Variants in SYN3 observed in about 807,000 individuals in gnomAD.
The protein encoded by SYN3 is synapsin III, also known as synapsin-3.
In SYN3, 35 loss-of-function variants were observed where a neutral mutation model predicts 65.8. The ratio of observed to expected loss-of-function variants is 0.53; its 90% CI spans 0.41 to 0.70. The LOEUF (loss-of-function observed/expected upper bound fraction) is 0.70. Among genes scored for constraint, SYN3 ranks in the 30% least tolerant of loss-of-function variants. SYN3 has a pLI of 0.00. For synonymous variants in SYN3, 270 were observed against 292.9 expected (o/e 0.92, Z 0.80); for missense variants, 680 against 749.0 (o/e 0.91, Z 1.08).
intron 6 of SYN3, among the ~76,000 whole-genome samples, chr22:32,669,306 C>T (rs1197341876): frequency 3.3e-5 from 5 of 152,132 alleles, no homozygotes; most frequent in Non-Finnish European, 7.4e-5. Context: ...GCTTGTCATT[C>T]CTTATGGGCC....
intron 13 of SYN3, among the ~76,000 whole-genome samples, chr22:32,515,817 G>A (rs1053241708): frequency 1.3e-5 from 2 of 148,742 alleles, no homozygotes; most frequent in East Asian, 2.0e-4. Flanking sequence ...TTTTTTTTTC[G>A]AGATGGAGTC....
intron 4 of SYN3, among the ~76,000 whole-genome samples, chr22:32,885,338 T>C (rs1411725509): frequency 6.6e-6 from 1 of 152,204 alleles, no homozygotes; most frequent in African/African-American, 2.4e-5. Context: ...CTCAAGGATC[T>C]AAATGTTTTG....
At chr22:33,009,460 G>A (rs1261201178) in intron 1 of SYN3, among the ~76,000 whole-genome samples, 1 of 151,888 alleles carries the variant, frequency 6.6e-6, no homozygotes, top group East Asian at 1.9e-4. Context: ...CTAAAAGGTG[G>A]GTTGTTTATC....
At chr22:33,046,016 C>CA (rs1306904033) in intron 1 of SYN3, among the ~76,000 whole-genome samples, 1 of 146,376 alleles carries the variant, frequency 6.8e-6, no homozygotes, top group South Asian at 2.2e-4. Flanking sequence ...AAAAAAAAAA[C>CA]AAAAAACGTG....
chr22:32,959,950 A>G (rs2146878919), intron 3 of SYN3, among the ~76,000 whole-genome samples: 1 of 152,342 alleles, frequency 6.6e-6, no homozygotes, highest in Admixed American at 6.5e-5. Context: ...TACGCATCAA[A>G]CAGAGCAGTA....
chr22:32,819,091 C>A lies in SYN3; in HGVS notation c.711+45824G>T, dbSNP rs78191738. 2.8e-3 allele frequency among the ~76,000 whole-genome samples: 434 copies of A among 152,338 alleles called. 3 individuals are homozygous for A. The highest frequency in any genetic ancestry group is 4.4e-3 in the Non-Finnish European group (299 of 68,038). The stretch of plus-strand genomic sequence containing the variant: ...AGGTGGAGCTGGATCTGCCACTTGG[C>A]CAGGGGGTCACAGGGTTTCAGATTG... On this transcript the variant is annotated intron_variant, in intron 6 of 13. Coordinates refer to ENST00000358763, the MANE Select transcript of SYN3 (RefSeq NM_003490.4).
At chr22:32,651,229 G>A (rs1015291558) in intron 6 of SYN3, among the ~76,000 whole-genome samples, 6 of 152,184 alleles carry the variant, frequency 3.9e-5, no homozygotes, top group African/African-American at 7.2e-5. Flanking sequence ...AGACATTTTC[G>A]CTTGTGGCGG....
At chr22:32,536,598 T>C (rs1217784444) in intron 9 of SYN3, among the ~76,000 whole-genome samples, 1 of 152,196 alleles carries the variant, frequency 6.6e-6, no homozygotes, top group Non-Finnish European at 1.5e-5. Context: ...GCCATAGTGA[T>C]TGGTTCAGGG....
intron 4 of SYN3, among the ~76,000 whole-genome samples, chr22:32,896,349 G>A (rs1382390348): frequency 6.6e-6 from 1 of 152,122 alleles, no homozygotes; most frequent in Non-Finnish European, 1.5e-5. Context: ...CCAGCTACTC[G>A]GGAGGCTGAG....
intron 6 of SYN3, among the ~76,000 whole-genome samples, chr22:32,760,903 C>G (rs2045460842): frequency 6.6e-6 from 1 of 152,204 alleles, no homozygotes; most frequent in Non-Finnish European, 1.5e-5. Flanking sequence ...TCACACTGCC[C>G]AGGCAGCTGG....
At chr22:32,757,432 G>A (rs546885380) in intron 6 of SYN3, among the ~76,000 whole-genome samples, 1 of 152,076 alleles carries the variant, frequency 6.6e-6, no homozygotes, top group South Asian at 2.1e-4. Context: ...TGAGTGGCTG[G>A]GATTACAGCG....
intron 6 of SYN3, among the ~76,000 whole-genome samples, chr22:32,676,953 C>T (rs2060454885): frequency 1.3e-5 from 2 of 152,098 alleles, no homozygotes; most frequent in Admixed American, 6.5e-5. Context: ...TTATTCTTCC[C>T]CTTTACAGGT....
intron 6 of SYN3, among the ~76,000 whole-genome samples, chr22:32,731,601 G>A (rs561828289): frequency 1.7e-4 from 26 of 152,276 alleles, no homozygotes; most frequent in African/African-American, 5.5e-4. Flanking sequence ...CCAAGGCTGT[G>A]GGGCCTTGCC....
At chr22:32,681,265 TG>T (rs2060518784) in intron 6 of SYN3, among the ~76,000 whole-genome samples, 1 of 144,796 alleles carries the variant, frequency 6.9e-6, no homozygotes, top group African/African-American at 2.5e-5. Flanking sequence ...AACTTGGGAG[TG>T]GGGGGTGGGA....
intron 2 of SYN3, among the ~76,000 whole-genome samples, chr22:32,989,478 G>C (rs888789818): frequency 8.5e-5 from 13 of 152,232 alleles, no homozygotes; most frequent in African/African-American, 3.1e-4. Context: ...GAGCATGATG[G>C]AGACCTTCCC....
At chr22:32,670,813 G>GT (rs910661160) in intron 6 of SYN3, among the ~76,000 whole-genome samples, 1 of 152,232 alleles carries the variant, frequency 6.6e-6, no homozygotes, top group Non-Finnish European at 1.5e-5. Context: ...TACTTTTATC[G>GT]TAAGTGATGA....
chr22:33,040,732 GACA>G (rs1337121355), intron 1 of SYN3, among the ~76,000 whole-genome samples: 1 of 152,146 alleles, frequency 6.6e-6, no homozygotes. Context: ...GAGTGAGTCT[GACA>G]ACATCTCATG....
intron 1 of SYN3, among the ~76,000 whole-genome samples, chr22:33,029,234 G>A (rs1484492207): frequency 2.6e-5 from 4 of 151,000 alleles, no homozygotes; most frequent in East Asian, 3.9e-4. Flanking sequence ...GAGTGCAGTG[G>A]TACAATCTTA....
At chr22:32,592,539 A>G (rs752549364) in intron 7 of SYN3, among the ~76,000 whole-genome samples, 1 of 151,804 alleles carries the variant, frequency 6.6e-6, no homozygotes, top group African/African-American at 2.4e-5. Flanking sequence ...AGTCTTTTTT[A>G]TTTTTTAGGA....
Sources: allele counts gnomAD v4.1 joint callset (sites outside exome capture counted in the v4.1 genomes callset), GRCh38; gene constraint gnomAD v4.1.1; transcripts MANE v1.5; gene names NCBI Gene and HGNC (gene_info 2026-07-23, HGNC 2026-07-21).